CUL2: variants seen among roughly 807,000 people sequenced by gnomAD.
CUL2 encodes cullin 2, also known as cullin-2.
In CUL2, 22 loss-of-function variants were observed where a neutral mutation model predicts 110.2. That is an observed-to-expected ratio of 0.20 (90% CI 0.14 to 0.28). CUL2 has a LOEUF of 0.28. CUL2 is among the 10% of genes least tolerant of loss of function. The probability of loss-of-function intolerance (pLI) is 1.00; values close to 1 mark genes in which losing one functional copy is unlikely to be tolerated. For missense variants in CUL2, 631 were observed against 905.5 expected, an observed-to-expected ratio of 0.70 and a Z score of 3.89; for synonymous variants, 279 against 293.2, an observed-to-expected ratio of 0.95 and a Z score of 0.49.
At chr10:35,090,874 C>G (rs1589056437), upstream of CUL2, among the ~76,000 whole-genome samples, 1 of 152,292 alleles carries the variant, frequency 6.6e-6, no homozygotes, top group East Asian at 1.9e-4. Flanking sequence ...TTGTTTCAGA[C>G]CTATGTGAAT....
chr10:35,072,632 T>G (rs1312329590), intron 1 of CUL2, among the ~76,000 whole-genome samples: 1 of 152,176 alleles, frequency 6.6e-6, no homozygotes, highest in Admixed American at 6.5e-5. Flanking sequence ...CCTCCCAAAG[T>G]GCAGGGATTA....
intron 1 of CUL2, among the ~76,000 whole-genome samples, chr10:35,115,024 C>T (rs187432469): frequency 1.1e-3 from 163 of 149,666 alleles, no homozygotes; most frequent in Admixed American, 2.1e-3. Flanking sequence ...CCAGCCTGGC[C>T]GATATGGCAA....
intron 20 of CUL2, 152 bp downstream of exon 20, chr10:35,011,696 A>G (rs906028691): frequency 1.9e-6 from 1 of 538,580 alleles, no homozygotes; most frequent in Non-Finnish European, 3.3e-6. Context: ...TGAAATTGTG[A>G]GTGAGTACGA....
intron 2 of CUL2, among the ~76,000 whole-genome samples, chr10:35,099,121 A>G (rs959323052): frequency 6.6e-6 from 1 of 152,028 alleles, no homozygotes; most frequent in African/African-American, 2.4e-5. Flanking sequence ...GGCTGGGTGC[A>G]TTGGCTCATG....
chr10:35,040,668 G>A (rs567284473), intron 8 of CUL2, among the ~76,000 whole-genome samples: 1 of 152,294 alleles, frequency 6.6e-6, no homozygotes, highest in African/African-American at 2.4e-5. Context: ...TAGAGCAGCA[G>A]TCCCTAACCT....
At chr10:35,104,487 C>T (rs2087428379) in intron 1 of CUL2, among the ~76,000 whole-genome samples, 1 of 152,042 alleles carries the variant, frequency 6.6e-6, no homozygotes, top group African/African-American at 2.4e-5. Context: ...GTCTCCTTCC[C>T]TTTTCTCTCC....
At chr10:35,074,196 G>T (rs1454305704) in intron 1 of CUL2, 1 of 1,535,294 alleles carries the variant, frequency 6.5e-7, no homozygotes, top group East Asian at 2.4e-5. Context: ...ACCTACCTAA[G>T]CCAAAAAGTT....
chr10:35,090,578 AAC>A (rs2087186153), upstream of CUL2: 1 of 152,550 alleles, frequency 6.6e-6, no homozygotes, highest in African/African-American at 2.4e-5. Context: ...GGCTTTGCCC[AAC>A]ACACACCCTC....
At chr10:35,032,800 G>A (rs1406784763) in intron 11 of CUL2, among the ~76,000 whole-genome samples, 7 of 151,458 alleles carry the variant, frequency 4.6e-5, no homozygotes, top group African/African-American at 1.5e-4. Context: ...TTCCTTTAAC[G>A]TATGCAAAAG....
At chr10:35,027,103 C>A (rs2085353744) in intron 16 of CUL2, among the ~76,000 whole-genome samples, 1 of 150,612 alleles carries the variant, frequency 6.6e-6, no homozygotes. Flanking sequence ...GTTTATTTAC[C>A]TTTAATAGAT....
chr10:35,018,288 CAAAAAAA>C (rs11357517), intron 17 of CUL2, among the ~76,000 whole-genome samples: 16 of 75,270 alleles, frequency 2.1e-4, no homozygotes, highest in African/African-American at 8.1e-4. Context: ...CTCCATCTCA[CAAAAAAA>C]AAAAAAAAAA....
chr10:35,105,949 A>G (rs1380817781), intron 1 of CUL2, among the ~76,000 whole-genome samples: 2 of 152,210 alleles, frequency 1.3e-5, no homozygotes, highest in African/African-American at 4.8e-5. Flanking sequence ...TGAGAACAGC[A>G]TATATTTCCA....
At chr10:35,045,128 C>T (rs2085900994) in intron 6 of CUL2, among the ~76,000 whole-genome samples, 2 of 152,066 alleles carry the variant, frequency 1.3e-5, no homozygotes, top group Admixed American at 6.6e-5. Flanking sequence ...GATACTATGT[C>T]AGTAATAAGA....
chr10:35,036,791 T>C (rs2085632486), intron 9 of CUL2, among the ~76,000 whole-genome samples: 1 of 152,122 alleles, frequency 6.6e-6, no homozygotes, highest in Non-Finnish European at 1.5e-5. Flanking sequence ...TGGAGTGCAG[T>C]GGCAGGATCT....
At chr10:35,108,479 A>G (rs538083587) in intron 1 of CUL2, among the ~76,000 whole-genome samples, 35 of 152,130 alleles carry the variant, frequency 2.3e-4, no homozygotes, top group African/African-American at 7.2e-4. Flanking sequence ...GAAAAAAAGA[A>G]AAAAAACACA....
At chr10:35,118,715 T>C (rs921794680) in intron 1 of CUL2, 2 of 152,176 alleles carry the variant, frequency 1.3e-5, no homozygotes, top group Non-Finnish European at 2.9e-5. Context: ...CTTGGGACAA[T>C]CAGCTGCCTT....
intron 4 of CUL2, among the ~76,000 whole-genome samples, chr10:35,055,461 CG>C (rs1304803442): frequency 6.6e-6 from 1 of 152,160 alleles, no homozygotes; most frequent in East Asian, 1.9e-4. Context: ...GGCCAGGCGT[CG>C]GGGCTCACGC....
At chr10:35,042,213 G>A (rs181890648) in intron 8 of CUL2, among the ~76,000 whole-genome samples, 2 of 151,560 alleles carry the variant, frequency 1.3e-5, no homozygotes, top group African/African-American at 4.9e-5. Context: ...CTGTCCTTTT[G>A]AATTTGTCTG....
intron 4 of CUL2, among the ~76,000 whole-genome samples, chr10:35,059,317 T>C (rs1319229600): frequency 6.6e-6 from 1 of 152,150 alleles, no homozygotes; most frequent in Non-Finnish European, 1.5e-5. Flanking sequence ...GCTAACTTCA[T>C]TGTTGTCTTA....
Sources: allele counts gnomAD v4.1 joint callset (sites outside exome capture counted in the v4.1 genomes callset), GRCh38; gene constraint gnomAD v4.1.1; transcripts MANE v1.5; gene names NCBI Gene and HGNC (gene_info 2026-07-23, HGNC 2026-07-21).